The following EPN2 variants were observed in gnomAD, a reference collection of about 807,000 sequenced individuals.
EPN2 encodes epsin-2.
A neutral mutation model predicts 61.7 loss-of-function variants in EPN2; 34 were observed. The observed-to-expected ratio is 0.55, with a 90% CI of 0.42 to 0.73. The LOEUF (loss-of-function observed/expected upper bound fraction) is 0.73. Ranked by LOEUF, EPN2 falls within the 30% of genes least tolerant of loss-of-function variation. EPN2 has a pLI of 0.00. For synonymous variants in EPN2, 349 were observed against 353.6 expected (o/e 0.99, Z 0.15); for missense variants, 714 against 839.2 (o/e 0.85, Z 1.84).
At chr17:19,289,085 T>C (rs1451365740) in intron 4 of EPN2, among the ~76,000 whole-genome samples, 1 of 137,212 alleles carries the variant, frequency 7.3e-6, no homozygotes, top group Non-Finnish European at 1.6e-5. Context: ...TTTTTTTTTT[T>C]TTTTTTTTTT....
chr17:19,276,773 G>GTTTTTTTT (rs80078595), intron 1 of EPN2, among the ~76,000 whole-genome samples: 34 of 119,316 alleles, frequency 2.8e-4, no homozygotes, highest in African/African-American at 9.1e-4. Context: ...ATGAGAATAA[G>GTTTTTTTT]TTTTTTTTTT....
intron 7 of EPN2, among the ~76,000 whole-genome samples, chr17:19,325,962 A>G (rs940242414): frequency 1.3e-5 from 2 of 152,260 alleles, no homozygotes; most frequent in Non-Finnish European, 2.9e-5. Flanking sequence ...TTTCTGCATA[A>G]CAATAAATAG....
intron 1 of EPN2, among the ~76,000 whole-genome samples, chr17:19,269,806 G>C (rs1243470749): frequency 6.6e-6 from 1 of 152,140 alleles, no homozygotes; most frequent in African/African-American, 2.4e-5. Context: ...CTGCTTGTTT[G>C]ACTTGGTGAG....
intron 4 of EPN2, among the ~76,000 whole-genome samples, chr17:19,288,926 G>C (rs1034619661): frequency 1.3e-5 from 2 of 152,080 alleles, no homozygotes; most frequent in African/African-American, 4.8e-5. Flanking sequence ...GGAAGATGAG[G>C]GTTAGGAGGA....
chr17:19,298,093 C>G (rs1367131411), intron 4 of EPN2, among the ~76,000 whole-genome samples: 2 of 152,074 alleles, frequency 1.3e-5, no homozygotes, highest in African/African-American at 4.8e-5. Flanking sequence ...CCAGACTGGT[C>G]TTGAACTCCT....
At chr17:19,241,930 A>G (rs755194808) in intron 1 of EPN2, among the ~76,000 whole-genome samples, 1 of 152,166 alleles carries the variant, frequency 6.6e-6, no homozygotes, top group Non-Finnish European at 1.5e-5. Flanking sequence ...AAGGCCCCAC[A>G]AAATAATAGG....
At chr17:19,254,371 T>C (rs1472105713) in intron 1 of EPN2, among the ~76,000 whole-genome samples, 1 of 151,508 alleles carries the variant, frequency 6.6e-6, no homozygotes, top group Non-Finnish European at 1.5e-5. Flanking sequence ...GTGAAACCTG[T>C]CTCTACTAAA....
At chr17:19,255,683 C>G (rs987701480) in intron 1 of EPN2, among the ~76,000 whole-genome samples, 2 of 150,370 alleles carry the variant, frequency 1.3e-5, no homozygotes, top group Non-Finnish European at 2.9e-5. Flanking sequence ...AGTGTGGTGG[C>G]TCACTCATAG....
At chr17:19,273,928 C>G (rs1230234266) in intron 1 of EPN2, 1 of 152,126 alleles carries the variant, frequency 6.6e-6, no homozygotes, top group Non-Finnish European at 1.5e-5. Context: ...TAGCACTGTC[C>G]ATATTGTCCT....
intron 4 of EPN2, among the ~76,000 whole-genome samples, chr17:19,304,971 G>C (rs535649862): frequency 6.6e-6 from 1 of 152,140 alleles, no homozygotes; most frequent in Non-Finnish European, 1.5e-5. Flanking sequence ...CCAGGCCCAG[G>C]GACATAGGAA....
Position 19,335,212 on chromosome 17 carries a change from A to G in EPN2, c.*958A>G. 1 of 435,454 alleles carries G rather than the reference A, an allele frequency of 2.3e-6. No homozygotes were observed. Among genetic ancestry groups the G allele is most frequent in the East Asian group, 3.4e-5 (1 of 29,248 alleles). The allele number at this position is 435,454 out of a possible 1,614,324, so 27.0% of individuals were successfully genotyped here. A position where few individuals can be genotyped will look rare whatever the true frequency, so the allele number is the denominator to read the frequency against. ...ACAGCAACAAAAAATCCTAGCCTCC[A>G]GTTGCCTTTTCCTTTCTTTAGCTCC... On this transcript the variant is annotated 3_prime_UTR_variant, in exon 11 of 11. Coordinates refer to ENST00000314728, the MANE Select transcript of EPN2 (RefSeq NM_014964.5).
chr17:19,297,110 G>A (rs928294789), intron 4 of EPN2: 1 of 152,162 alleles, frequency 6.6e-6, no homozygotes, highest in African/African-American at 2.4e-5. Flanking sequence ...TTGCCCTGAC[G>A]TTGGACTGTC....
chr17:19,313,324 G>A (rs745755038), intron 7 of EPN2, 45 bp downstream of exon 7: 2 of 1,484,950 alleles, frequency 1.3e-6, no homozygotes, highest in East Asian at 2.5e-5. Flanking sequence ...TGCTGGATGG[G>A]TGAGGGGCAG....
chr17:19,313,290 C>T lies in EPN2; in HGVS notation c.1147+11C>T, dbSNP rs1906236103. On this transcript the variant is annotated intron_variant, in intron 7 of 10. Coordinates refer to ENST00000314728, the MANE Select transcript of EPN2 (RefSeq NM_014964.5). ...CCTGGCCATCGTTTGGTAAAGACCCCATTACTGGTCTCCCGTGCTTGCCTG... is the reference window on the plus strand; with the variant it reads ...CCTGGCCATCGTTTGGTAAAGACCCTATTACTGGTCTCCCGTGCTTGCCTG... 1 of 1,511,790 alleles carries T rather than the reference C, an allele frequency of 6.6e-7. No homozygotes were observed. Among genetic ancestry groups the T allele is most frequent in the African/African-American group, 1.4e-5 (1 of 70,404 alleles). 93.6% of individuals were successfully genotyped at this position (1,511,790 alleles called of 1,614,324 possible). A position where few individuals can be genotyped will look rare whatever the true frequency, so the allele number is the denominator to read the frequency against.
At chr17:19,321,471 C>A (rs1361889938) in intron 7 of EPN2, among the ~76,000 whole-genome samples, 2 of 152,106 alleles carry the variant, frequency 1.3e-5, no homozygotes, top group Admixed American at 6.6e-5. Context: ...CAGTGAGAAC[C>A]CTTTTCTGTT....
chr17:19,246,911 G>A (rs1184073661), intron 1 of EPN2, among the ~76,000 whole-genome samples: 3 of 152,014 alleles, frequency 2.0e-5, no homozygotes, highest in Non-Finnish European at 4.4e-5. Context: ...GGGACTACAG[G>A]CGCCCGCCAC....
intron 1 of EPN2, among the ~76,000 whole-genome samples, chr17:19,248,791 A>C (rs2044980940): frequency 6.6e-6 from 1 of 152,232 alleles, no homozygotes; most frequent in African/African-American, 2.4e-5. Context: ...CTCTTGCCTC[A>C]GTAACAAGTA....
chr17:19,239,251 G>A (rs1210121708), intron 1 of EPN2, among the ~76,000 whole-genome samples: 1 of 152,184 alleles, frequency 6.6e-6, no homozygotes, highest in Non-Finnish European at 1.5e-5. Context: ...GGGTTCAAGC[G>A]ATTCTCCTGC....
chr17:19,250,350 C>T (rs928773710), intron 1 of EPN2, among the ~76,000 whole-genome samples: 4 of 152,134 alleles, frequency 2.6e-5, no homozygotes, highest in Non-Finnish European at 4.4e-5. Flanking sequence ...CCTGTATCAG[C>T]CTCCCAAAGT....
Sources: gnomAD v4.1 joint callset for allele counts (sites outside exome capture counted in the v4.1 genomes callset) on GRCh38, gnomAD v4.1.1 for gene constraint, MANE v1.5 for transcripts, NCBI Gene and HGNC (gene_info 2026-07-23, HGNC 2026-07-21) for gene names.